Variants in MPHOSPH10 observed in about 807,000 individuals in gnomAD.
MPHOSPH10 encodes M-phase phosphoprotein 10.
A neutral mutation model predicts 77.3 loss-of-function variants in MPHOSPH10; 33 were observed. That is an observed-to-expected ratio of 0.43 (90% CI 0.32 to 0.57). The LOEUF is 0.57. MPHOSPH10 is among the 20% of genes least tolerant of loss of function. MPHOSPH10 has a pLI of 0.07. For synonymous variants in MPHOSPH10, 245 were observed against 268.0 expected (o/e 0.91, Z 0.84); for missense variants, 708 against 780.1 (o/e 0.91, Z 1.10).
chr2:71,137,481 A>G (rs1322230731), intron 4 of MPHOSPH10, among the ~76,000 whole-genome samples: 1 of 152,074 alleles, frequency 6.6e-6, no homozygotes, highest in Non-Finnish European at 1.5e-5. Flanking sequence ...CAACATGGTA[A>G]GACCTCGTCT....
intron 8 of MPHOSPH10, among the ~76,000 whole-genome samples, chr2:71,146,016 G>A (rs1414864735): frequency 6.6e-6 from 1 of 152,202 alleles, no homozygotes; most frequent in African/African-American, 2.4e-5. Flanking sequence ...CACATTTGCA[G>A]TCATTCGCTA....
intron 8 of MPHOSPH10, among the ~76,000 whole-genome samples, chr2:71,145,871 G>T (rs548418736): frequency 4.1e-4 from 62 of 152,268 alleles, no homozygotes; most frequent in African/African-American, 1.5e-3. Context: ...TTTTGGCATG[G>T]CTGGCTCCTT....
At chr2:71,132,490 C>G (rs1673407423) in intron 1 of MPHOSPH10, among the ~76,000 whole-genome samples, 1 of 152,192 alleles carries the variant, frequency 6.6e-6, no homozygotes, top group South Asian at 2.1e-4. Context: ...AAGACTATCT[C>G]CTTATCTGTA....
intron 8 of MPHOSPH10, among the ~76,000 whole-genome samples, chr2:71,146,587 C>G (rs1673714361): frequency 6.6e-6 from 1 of 152,176 alleles, no homozygotes; most frequent in Admixed American, 6.5e-5. Context: ...ATCTGCCCAC[C>G]TTGGCCTCCC....
chr2:71,140,180 T>A (rs1182897721), intron 6 of MPHOSPH10, among the ~76,000 whole-genome samples: 4 of 152,218 alleles, frequency 2.6e-5, no homozygotes, highest in African/African-American at 7.2e-5. Context: ...TTAGGCACAG[T>A]ATCTGGTGTG....
At position 71,138,554 on chromosome 2, in the gene MPHOSPH10, G is replaced by C; in HGVS notation, c.1163G>C (p.Gly388Ala). The change falls in exon 5 of 11, where the codon GGG (glycine) becomes GCG (alanine). Residue 388 changes from glycine to alanine, a missense_variant. Physicochemically the swap from Gly to Ala is moderately conservative, Grantham distance 60 (BLOSUM62 0). This residue lies in a region of MPHOSPH10 where 12 missense variants were observed against 27.6 expected (regional missense o/e 0.44). Coordinates refer to ENST00000244230, the MANE Select transcript of MPHOSPH10 (RefSeq NM_005791.3). ...GAAAAAAAGCCGTGGCAGCTTCAGG[G>C]GGAAGTGACAGCACAGAAGAGGCCA... The part of the protein sequence containing the change: ...LLEKKPWQLQ[G>A]EVTAQKRPEN... 1 of 1,613,010 alleles carries C rather than the reference G, an allele frequency of 6.2e-7. No individual in the cohort carries two copies. The highest frequency in any genetic ancestry group is 1.1e-5 in the South Asian group (1 of 90,802).
At chr2:71,137,009 T>C (rs183658712) in intron 4 of MPHOSPH10, among the ~76,000 whole-genome samples, 2 of 144,276 alleles carry the variant, frequency 1.4e-5, no homozygotes. Flanking sequence ...TACAGCACAG[T>C]GGAAAAATGA....
In MPHOSPH10 at chr2:71,149,495, G is replaced by T; in HGVS notation, c.1896+42G>T. On this transcript the variant is annotated intron_variant, in intron 10 of 10. Transcript: ENST00000244230. ...GAAAACTGCTCAAGGGGACCTTTGT[G>T]GGGGAAGTGGATAGCAAGTGCTGGG... 2.6e-6 allele frequency: 4 copies of T among 1,551,128 alleles called. No individual in the cohort carries two copies. The South Asian group carries it at 3.5e-5, about 14-fold the overall frequency.
intron 4 of MPHOSPH10, among the ~76,000 whole-genome samples, chr2:71,136,764 A>G (rs937354061): frequency 1.3e-5 from 2 of 152,030 alleles, no homozygotes; most frequent in African/African-American, 4.8e-5. Context: ...GTGAAATTAT[A>G]TCAGACCTTC....
At chr2:71,148,275 T>C (rs1480068765) in intron 9 of MPHOSPH10, 169 bp downstream of exon 9, 2 of 563,896 alleles carry the variant, frequency 3.5e-6, no homozygotes, top group African/African-American at 3.7e-5. Flanking sequence ...CAAATACCAG[T>C]CTCCTATATT....
intron 2 of MPHOSPH10, 144 bp from the exon 3 acceptor site, chr2:71,133,801 GTTA>G: frequency 1.2e-6 from 1 of 818,584 alleles, no homozygotes; most frequent in South Asian, 2.4e-5. Flanking sequence ...TAATTATTTA[GTTA>G]TTAGTTTGGT....
intron 4 of MPHOSPH10, among the ~76,000 whole-genome samples, chr2:71,136,510 G>A (rs1233832928): frequency 6.6e-6 from 1 of 151,488 alleles, no homozygotes; most frequent in Non-Finnish European, 1.5e-5. Flanking sequence ...GCTAGAGACT[G>A]TCTGAAAAAA....
rs770560871 is a variant in MPHOSPH10, at chr2:71,133,428, T to G, written c.620T>G (p.Leu207Arg). The G allele has an allele frequency of 6.2e-7, 1 of 1,613,718 alleles. No individual in the cohort carries two copies. The highest frequency in any genetic ancestry group is 1.1e-5 in the South Asian group (1 of 91,060). Reference sequence around the variant, plus strand: ...ATAGTAGATGATAAATTCTTCAAACTCTCTGAAATGGAGGCCTATTTAGAA... The same window carrying G: ...ATAGTAGATGATAAATTCTTCAAACGCTCTGAAATGGAGGCCTATTTAGAA... ...KSIVDDKFFK[L>R]SEMEAYLENI... The change falls in exon 2 of 11, where the codon CTC becomes CGC. Residue 207 changes from leucine (L) to arginine (R), a missense_variant. Leu to Arg is a moderately radical substitution (Grantham distance 102). Coordinates refer to ENST00000244230, the MANE Select transcript of MPHOSPH10 (RefSeq NM_005791.3).
chr2:71,144,668 T>A (rs1673674868), intron 8 of MPHOSPH10, 130 bp downstream of exon 8: 1 of 687,440 alleles, frequency 1.5e-6, no homozygotes, highest in African/African-American at 1.8e-5. Flanking sequence ...CCAGGCAGGG[T>A]CTCCATGAGG....
At chr2:71,138,897 C>G in intron 5 of MPHOSPH10, 1 of 597,416 alleles carries the variant, frequency 1.7e-6, no homozygotes, top group South Asian at 2.0e-5. Context: ...CAGCCAGATA[C>G]GGTGGCAGAT....
chr2:71,136,282 G>A (rs1192862161), intron 4 of MPHOSPH10, among the ~76,000 whole-genome samples: 1 of 152,184 alleles, frequency 6.6e-6, no homozygotes, highest in African/African-American at 2.4e-5. Context: ...GGAGGCTGAG[G>A]AGGGAGGATT....
chr2:71,149,497 G>A (rs754933431), intron 10 of MPHOSPH10, 44 bp downstream of exon 10: 30 of 1,548,446 alleles, frequency 1.9e-5, no homozygotes, highest in Non-Finnish European at 2.6e-5. Flanking sequence ...ACCTTTGTGG[G>A]GGAAGTGGAT....
Position 71,130,684 on chromosome 2 carries a change from C to G in MPHOSPH10, c.19C>G (p.Arg7Gly), listed in dbSNP as rs759916050. ...GACAGCCATGGCGCCGCAGGTCTGG[C>G]GTCGACGGACCCTGGAGCGGTGTCT... is the stretch of plus-strand genomic sequence containing the variant. MAPQVW[R>G]RRTLERCLTE... The change falls in exon 1 of 11, where the codon CGT (arginine) becomes GGT (glycine). Residue 7 changes from arginine (R) to glycine (G), a missense_variant. Physicochemically the swap from Arg to Gly is moderately radical, Grantham distance 125 (BLOSUM62 -2). This residue lies in a region of MPHOSPH10 where 433 missense variants were observed against 432.6 expected (regional missense o/e 1.00). Coordinates refer to ENST00000244230, the MANE Select transcript of MPHOSPH10 (RefSeq NM_005791.3). The G allele has an allele frequency of 6.2e-7, 1 of 1,609,910 alleles. No individual in the cohort carries two copies. Among genetic ancestry groups the G allele is most frequent in the Non-Finnish European group, 8.5e-7 (1 of 1,178,786 alleles).
intron 6 of MPHOSPH10, among the ~76,000 whole-genome samples, chr2:71,140,324 G>A (rs948054477): frequency 1.3e-5 from 2 of 152,190 alleles, no homozygotes; most frequent in Non-Finnish European, 2.9e-5. Flanking sequence ...TTACCAGTGG[G>A]GATTCCGCAG....
Sources: gnomAD v4.1 joint callset for allele counts (sites outside exome capture counted in the v4.1 genomes callset) on GRCh38, gnomAD v4.1.1 for gene constraint, gnomAD v4.1.1 regional missense constraint, MANE v1.5 for transcripts, NCBI Gene and HGNC (gene_info 2026-07-23, HGNC 2026-07-21) for gene names.